DPYD: variants seen among roughly 807,000 people sequenced by gnomAD.
The protein encoded by DPYD is dihydropyrimidine dehydrogenase.
Under a neutral mutation model 116.2 loss-of-function variants are expected in DPYD, and 109 were observed. That is an observed-to-expected ratio of 0.94 (90% CI 0.80 to 1.10). The LOEUF (loss-of-function observed/expected upper bound fraction) is 1.10, where lower values mean the gene tolerates loss of function less well. Ranked by LOEUF, DPYD falls within the 50% of genes least tolerant of loss-of-function variation. The pLI is 0.00. For missense variants in DPYD, 1,302 were observed against 1,254.5 expected, an observed-to-expected ratio of 1.04 and a Z score of -0.57; for synonymous variants, 440 against 432.0, an observed-to-expected ratio of 1.02 and a Z score of -0.23.
chr1:97,559,847 T>A (rs1019585087), intron 11 of DPYD, among the ~76,000 whole-genome samples: 1 of 152,232 alleles, frequency 6.6e-6, no homozygotes, highest in Non-Finnish European at 1.5e-5. Flanking sequence ...GATAAAACTA[T>A]AATAATGGAA....
At chr1:97,608,084 G>A (rs918191656) in intron 8 of DPYD, among the ~76,000 whole-genome samples, 2 of 151,894 alleles carry the variant, frequency 1.3e-5, no homozygotes, top group African/African-American at 2.4e-5. Context: ...AAGTATTCTA[G>A]TGGCAATGTT....
chr1:97,176,903 G>GT (rs1457389625), intron 20 of DPYD, among the ~76,000 whole-genome samples: 1 of 75,954 alleles, frequency 1.3e-5, no homozygotes, highest in East Asian at 8.2e-4. Flanking sequence ...TGTGTAGGGG[G>GT]GGTGTCCTAA....
At chr1:97,415,950 G>A (rs752877523) in intron 14 of DPYD, among the ~76,000 whole-genome samples, 9 of 151,818 alleles carry the variant, frequency 5.9e-5, no homozygotes, top group East Asian at 1.9e-4. Flanking sequence ...TTATTTTCTC[G>A]TATATAATGT....
intron 3 of DPYD, among the ~76,000 whole-genome samples, chr1:97,818,612 A>C (rs1668757064): frequency 6.6e-6 from 1 of 152,002 alleles, no homozygotes; most frequent in Admixed American, 6.6e-5. Context: ...GTTTTCTTCT[A>C]TTTCCCCAAT....
intron 8 of DPYD, among the ~76,000 whole-genome samples, chr1:97,614,674 C>T (rs927715983): frequency 2.6e-5 from 4 of 152,080 alleles, no homozygotes; most frequent in African/African-American, 9.7e-5. Flanking sequence ...ACATCCTCCC[C>T]ACCCATCAAG....
In DPYD at chr1:97,234,982, C is replaced by G; in HGVS notation, c.2312G>C (p.Arg771Thr). 6.2e-7 allele frequency: 1 copy of G among 1,614,074 alleles called. No individual in the cohort carries two copies. The highest frequency in any genetic ancestry group is 8.5e-7 in the Non-Finnish European group (1 of 1,179,998). The change falls in exon 19 of 23, where the codon AGA (arginine) becomes ACA (threonine). Residue 771 changes from arginine (R) to threonine (T), a missense_variant. Arg to Thr is a moderately conservative substitution (Grantham distance 71, BLOSUM62 -1). Transcript: ENST00000370192. Reference protein sequence around the residue: ...TYGGVSGTAIRPIALRAVTSI... With the variant: ...TYGGVSGTAITPIALRAVTSI... ...GGTCACAGCTCTCAAAGCAATAGGT[C>G]TGATTGCTGTCCCTACACAAAATCA... is the stretch of plus-strand genomic sequence containing the variant.
At position 97,306,265 on chromosome 1, in the gene DPYD, C is replaced by G. The variant is rs753296078; in HGVS notation, c.2091G>C (p.Trp697Cys). The change falls in exon 17 of 23, where the codon TGG becomes TGC. Residue 697 changes from tryptophan (W) to cysteine (C), a missense_variant. Trp to Cys is a radical substitution (Grantham distance 215). Transcript: ENST00000370192. ...AAGGAATCTGAACAGCTTGCCTAAC[C>G]CAGCGGCAGATGTTCCGCACCAGCT... ...DPELVRNICR[W>C]VRQAVQIPFF... 3 of 1,612,416 alleles carry G rather than the reference C, an allele frequency of 1.9e-6. No individual in the cohort carries two copies. The highest frequency in any genetic ancestry group is 2.5e-6 in the Non-Finnish European group (3 of 1,178,860).
chr1:97,304,791 A>T (rs1667061274), intron 18 of DPYD, among the ~76,000 whole-genome samples: 1 of 151,948 alleles, frequency 6.6e-6, no homozygotes, highest in Non-Finnish European at 1.5e-5. Flanking sequence ...AGGTCTGCAA[A>T]TGTCTTGTCA....
At chr1:97,591,821 A>T (rs151202502) in intron 10 of DPYD, among the ~76,000 whole-genome samples, 164 of 152,222 alleles carry the variant, frequency 1.1e-3, no homozygotes, top group African/African-American at 3.7e-3. Flanking sequence ...GAATACAAAG[A>T]TCAAAATGTT....
At chr1:97,776,118 A>G (rs1666395836) in intron 3 of DPYD, among the ~76,000 whole-genome samples, 2 of 152,182 alleles carry the variant, frequency 1.3e-5, no homozygotes, top group Admixed American at 6.6e-5. Context: ...AGTGTCTCAC[A>G]TAATTTTAAG....
At chr1:97,777,274 A>T (rs181871351) in intron 3 of DPYD, among the ~76,000 whole-genome samples, 1 of 152,296 alleles carries the variant, frequency 6.6e-6, no homozygotes, top group Non-Finnish European at 1.5e-5. Flanking sequence ...TTCACTTACC[A>T]TAGAGACAAG....
intron 12 of DPYD, among the ~76,000 whole-genome samples, chr1:97,523,980 A>G (rs1470645614): frequency 1.3e-5 from 2 of 152,094 alleles, no homozygotes; most frequent in South Asian, 4.1e-4. Flanking sequence ...TATATTATGT[A>G]TGTTTTATCA....
intron 5 of DPYD, among the ~76,000 whole-genome samples, chr1:97,708,684 G>A (rs1662120896): frequency 6.6e-6 from 1 of 151,944 alleles, no homozygotes; most frequent in African/African-American, 2.4e-5. Flanking sequence ...AGTTTCCTGA[G>A]ATTTTGATTT....
chr1:97,242,154 A>C (rs1394255465), intron 18 of DPYD, among the ~76,000 whole-genome samples: 2 of 127,630 alleles, frequency 1.6e-5, no homozygotes, highest in African/African-American at 2.9e-5. Context: ...ATATATATAT[A>C]TATATATATA....
At chr1:97,278,575 A>G (rs1396263322) in intron 18 of DPYD, among the ~76,000 whole-genome samples, 1 of 152,214 alleles carries the variant, frequency 6.6e-6, no homozygotes, top group Non-Finnish European at 1.5e-5. Flanking sequence ...TGGTGGTTTT[A>G]TTAAACCCCC....
At chr1:97,691,545 C>A in intron 7 of DPYD, 172 bp downstream of exon 7, 1 of 584,614 alleles carries the variant, frequency 1.7e-6, no homozygotes, top group Non-Finnish European at 3.0e-6. Flanking sequence ...TAGTGGCATT[C>A]AGACAGTAGA....
intron 20 of DPYD, among the ~76,000 whole-genome samples, chr1:97,174,784 T>C (rs1345174998): frequency 6.6e-6 from 1 of 152,178 alleles, no homozygotes; most frequent in Non-Finnish European, 1.5e-5. Flanking sequence ...ATTTATAATA[T>C]GTAGGATTTA....
chr1:97,449,841 C>T (rs1676308098), intron 14 of DPYD, among the ~76,000 whole-genome samples: 1 of 152,220 alleles, frequency 6.6e-6, no homozygotes, highest in African/African-American at 2.4e-5. Flanking sequence ...TTCCATCTTA[C>T]ATGGCACCCA....
rs375490078 is a variant in DPYD at position 97,257,452 on chromosome 1, T to TATATATATAG, written c.2300-22459_2300-22458insCTATATATAT. On this transcript the variant is annotated intron_variant, in intron 18 of 22. Transcript: ENST00000370192. ...ATACATACGTATATATATATATATA[T>TATATATATAG]AGAGAGAGAGAAAGAGAGAGAGAGC... Among the ~76,000 whole-genome samples, 540 of 126,446 alleles carry TATATATATAG rather than the reference T, an allele frequency of 4.3e-3. 7 individuals are homozygous for TATATATATAG. Among genetic ancestry groups the TATATATATAG allele is most frequent in the African/African-American group, 0.016 (510 of 31,774 alleles). The allele number at this position is 126,446 out of a possible 152,430, so 83.0% of individuals were successfully genotyped here. A position where few individuals can be genotyped will look rare whatever the true frequency, so the allele number is the denominator to read the frequency against.
Sources: gnomAD v4.1 joint callset for allele counts (sites outside exome capture counted in the v4.1 genomes callset) on GRCh38, gnomAD v4.1.1 for gene constraint, MANE v1.5 for transcripts, NCBI Gene and HGNC (gene_info 2026-07-23, HGNC 2026-07-21) for gene names.